Variants in AFF1 observed in about 807,000 individuals in gnomAD.
AFF1 encodes AF4/FMR2 family member 1.
AFF1 carries 48 observed loss-of-function variants against 121.7 expected under a neutral mutation model. The observed-to-expected ratio is 0.39, with a 90% CI of 0.31 to 0.50. The LOEUF is 0.50. Ranked by LOEUF, AFF1 falls within the 20% of genes least tolerant of loss-of-function variation. The pLI is 0.76. For synonymous variants in AFF1, 613 were observed against 563.0 expected (o/e 1.09, Z -1.26); for missense variants, 1,523 against 1,511.7 (o/e 1.01, Z -0.12).
Position 86,972,786 on chromosome 4 carries a change from C to T in AFF1, c.38+24215C>T, listed in dbSNP as rs181386257. ...AACTCCTGGCCTCAAGTGATCTGCC[C>T]ATATCTACCTCCCAAAGTGCTGGGA... On this transcript the variant is annotated intron_variant, in intron 2 of 20. Coordinates refer to ENST00000395146, the MANE Select transcript of AFF1 (RefSeq NM_001166693.3). 6.4e-4 allele frequency among the ~76,000 whole-genome samples: 97 copies of T among 152,228 alleles called. 1 individual carries two copies. Among genetic ancestry groups the T allele is most frequent in the African/African-American group, 2.3e-3 (95 of 41,544 alleles).
intron 2 of AFF1, among the ~76,000 whole-genome samples, chr4:87,000,247 C>T (rs1054047770): frequency 6.6e-6 from 1 of 152,202 alleles, no homozygotes; most frequent in Non-Finnish European, 1.5e-5. Context: ...TTCTCTCCCT[C>T]CTTTGAAGGG....
At position 87,135,999 on chromosome 4, in the gene AFF1, A is replaced by ATT. The variant is rs939816222; in HGVS notation, c.*307_*308dup. The ATT allele has an allele frequency of 5.5e-5, 16 of 291,158 alleles. No homozygotes were observed. The highest frequency in any genetic ancestry group is 3.5e-4 in the African/African-American group (16 of 46,118). 18.0% of individuals were successfully genotyped at this position (291,158 alleles called of 1,614,324 possible). ...GTATGAATGGTCTAGAAACATTTCT[A>ATT]TTTTTTTTTTAAACCAGCAGGATAC... On this transcript the variant is annotated 3_prime_UTR_variant, in exon 21 of 21. Transcript: ENST00000395146.
intron 2 of AFF1, among the ~76,000 whole-genome samples, chr4:87,018,789 C>G (rs1485643300): frequency 6.6e-6 from 1 of 152,158 alleles, no homozygotes; most frequent in Non-Finnish European, 1.5e-5. Context: ...AAAATAGAGA[C>G]TATAGTTTCT....
In AFF1 at chr4:87,114,393, G is replaced by A; in HGVS notation, c.1560G>A (p.Trp520Ter). 6.3e-7 allele frequency: 1 copy of A among 1,597,976 alleles called. No homozygotes were observed. The highest frequency in any genetic ancestry group is 8.5e-7 in the Non-Finnish European group (1 of 1,176,200). Residue 520 changes from tryptophan to a stop codon, truncating the protein, a stop_gained, in exon 12 of 21, where the codon TGG (tryptophan) becomes TGA (stop). Transcript: ENST00000395146. LOFTEE classifies it high-confidence loss of function. ...CTGAGCCTCCAACAACAAACAAATGGCAGCTGGACAACTGGCTGACCAAAG... is the reference window on the plus strand; with the variant it reads ...CTGAGCCTCCAACAACAAACAAATGACAGCTGGACAACTGGCTGACCAAAG... ...PEPEPPTTNKWQLDNWLTKVS... is the reference protein window; with the variant it reads ...PEPEPPTTNK
chr4:87,041,375 C>T (rs1387397365), intron 2 of AFF1, among the ~76,000 whole-genome samples: 1 of 152,096 alleles, frequency 6.6e-6, no homozygotes, highest in African/African-American at 2.4e-5. Context: ...TGGTAAGCCC[C>T]AAAAAGGATG....
chr4:87,051,575 C>A (rs771192392), intron 4 of AFF1, among the ~76,000 whole-genome samples: 1 of 152,104 alleles, frequency 6.6e-6, no homozygotes, highest in Non-Finnish European at 1.5e-5. Context: ...ATCCTCCTGC[C>A]TCAGCCTTCC....
chr4:86,991,399 C>T (rs1377492940), intron 2 of AFF1, among the ~76,000 whole-genome samples: 21 of 151,364 alleles, frequency 1.4e-4, no homozygotes, highest in African/African-American at 4.1e-4. Context: ...GAGCAGAGAT[C>T]GCCCCACTGC....
chr4:87,028,304 C>T (rs1006595405), intron 2 of AFF1, among the ~76,000 whole-genome samples: 1 of 151,108 alleles, frequency 6.6e-6, no homozygotes, highest in Non-Finnish European at 1.5e-5. Context: ...TTTTTTTTTA[C>T]GTTTTTTTTT....
At chr4:87,105,991 A>G (rs1395516243) in intron 10 of AFF1, 146 bp downstream of exon 10, 13 of 1,054,636 alleles carry the variant, frequency 1.2e-5, no homozygotes, top group Middle Eastern at 5.4e-4. Flanking sequence ...CCTGTTTAAT[A>G]TTTTGGAAGC....
intron 2 of AFF1, among the ~76,000 whole-genome samples, chr4:86,968,438 A>C (rs752853300): frequency 3.3e-4 from 50 of 152,168 alleles, no homozygotes; most frequent in Non-Finnish European, 8.8e-5. Context: ...TTTTGAAAAT[A>C]ACATTGACGT....
intron 8 of AFF1, among the ~76,000 whole-genome samples, chr4:87,095,731 T>C (rs1241513360): frequency 6.6e-6 from 1 of 152,194 alleles, no homozygotes; most frequent in Non-Finnish European, 1.5e-5. Flanking sequence ...TGGGAACGTT[T>C]TAGACTGCAT....
rs1239748700 is a variant in AFF1, at chr4:87,127,045, C to G, written c.2831C>G (p.Ala944Gly). The change falls in exon 15 of 21, where the codon GCA becomes GGA. Residue 944 changes from alanine to glycine, a missense_variant. By Grantham distance (60) the Ala-to-Gly change is moderately conservative. Coordinates refer to ENST00000395146, the MANE Select transcript of AFF1 (RefSeq NM_001166693.3). The stretch of plus-strand genomic sequence containing the variant: ...TTGAAGGGTTCTTCCGGAGATACTG[C>G]AAATCCTTTTCCAGTGCCTTCTTTG... ...SEHKGSSGDT[A>G]NPFPVPSLPN... is the part of the protein sequence containing the mutation. 2 of 1,613,720 alleles carry G rather than the reference C, an allele frequency of 1.2e-6. No homozygotes were observed. The highest frequency in any genetic ancestry group is 3.3e-5 in the Admixed American group (2 of 59,970).
At chr4:87,114,270 C>A in intron 11 of AFF1, 97 bp from the exon 12 acceptor site, 1 of 1,098,274 alleles carries the variant, frequency 9.1e-7, no homozygotes. Flanking sequence ...GTATTTGCTC[C>A]TCTGCAGGAC....
At chr4:87,069,806 A>ATCACTCAGG in intron 4 of AFF1, among the ~76,000 whole-genome samples, 1 of 149,338 alleles carries the variant, frequency 6.7e-6, no homozygotes, top group Middle Eastern at 3.4e-3. Flanking sequence ...GGTATTCCTT[A>ATCACTCAGG]TCACTCAGGA....
At chr4:86,951,891 G>GT (rs1721372057) in intron 2 of AFF1, among the ~76,000 whole-genome samples, 1 of 151,242 alleles carries the variant, frequency 6.6e-6, no homozygotes, top group Non-Finnish European at 1.5e-5. Context: ...TGGGATTACA[G>GT]GCGTGGGCCA....
intron 4 of AFF1, among the ~76,000 whole-genome samples, chr4:87,080,314 C>G (rs180973013): frequency 6.6e-6 from 1 of 152,202 alleles, no homozygotes; most frequent in Non-Finnish European, 1.5e-5. Context: ...TTTCTTGATT[C>G]ATGCAACTAT....
At chr4:86,945,919 G>C (rs1720826207) in intron 1 of AFF1, among the ~76,000 whole-genome samples, 1 of 152,112 alleles carries the variant, frequency 6.6e-6, no homozygotes, top group African/African-American at 2.4e-5. Context: ...TAACAGTTTG[G>C]TATATGCTAT....
chr4:87,049,755 C>G (rs556745279), intron 4 of AFF1: 1 of 455,914 alleles, frequency 2.2e-6, no homozygotes, highest in Non-Finnish European at 4.4e-6. Flanking sequence ...AGCCCCGTGG[C>G]GCTGTTGGTG....
At chr4:87,087,486 A>G (rs1247226301) in intron 5 of AFF1, among the ~76,000 whole-genome samples, 1 of 152,046 alleles carries the variant, frequency 6.6e-6, no homozygotes, top group Non-Finnish European at 1.5e-5. Context: ...AAAAGACAGT[A>G]GCTGTGGGGC....
Sources: gnomAD v4.1 joint callset for allele counts (sites outside exome capture counted in the v4.1 genomes callset) on GRCh38, gnomAD v4.1.1 for gene constraint, MANE v1.5 for transcripts, NCBI Gene and HGNC (gene_info 2026-07-23, HGNC 2026-07-21) for gene names.